Variants in WDR7 observed in about 807,000 individuals in gnomAD.
The protein encoded by WDR7 is WD repeat domain 7, also known as WD repeat-containing protein 7.
Under a neutral mutation model 169.4 loss-of-function variants are expected in WDR7, and 46 were observed. That is an observed-to-expected ratio of 0.27 (90% confidence interval 0.21 to 0.35). The LOEUF (loss-of-function observed/expected upper bound fraction) is 0.35, where lower values mean the gene tolerates loss of function less well. Among genes scored for constraint, WDR7 ranks in the 10% least tolerant of loss-of-function variants. WDR7 has a pLI of 1.00. For missense variants in WDR7, 1,534 were observed against 1,859.3 expected (o/e 0.83, Z 3.22); for synonymous variants, 612 against 666.8 (o/e 0.92, Z 1.27).
At chr18:56,825,557 GAA>G (rs1381655083) in intron 20 of WDR7, among the ~76,000 whole-genome samples, 1 of 152,104 alleles carries the variant, frequency 6.6e-6, no homozygotes, top group East Asian at 1.9e-4. Context: ...CCACAGATAG[GAA>G]ATGACAAAGT....
chr18:56,924,420 ATT>A (rs1368894565), intron 22 of WDR7, among the ~76,000 whole-genome samples: 1 of 152,184 alleles, frequency 6.6e-6, no homozygotes, highest in East Asian at 1.9e-4. Flanking sequence ...TGATATATAT[ATT>A]AAATACATGA....
At chr18:56,959,955 A>G (rs1166219044) in intron 25 of WDR7, among the ~76,000 whole-genome samples, 1 of 152,180 alleles carries the variant, frequency 6.6e-6, no homozygotes, top group African/African-American at 2.4e-5. Context: ...GCTGGTTCCC[A>G]TAGTGAATAC....
intron 2 of WDR7, among the ~76,000 whole-genome samples, chr18:56,675,401 A>C (rs1483635070): frequency 6.6e-6 from 1 of 151,886 alleles, no homozygotes; most frequent in African/African-American, 2.4e-5. Flanking sequence ...GATATTTTGT[A>C]GTTTTCAGAA....
chr18:56,907,580 A>G (rs1207896613), intron 21 of WDR7, among the ~76,000 whole-genome samples: 2 of 152,126 alleles, frequency 1.3e-5, no homozygotes, highest in African/African-American at 4.8e-5. Context: ...TTTTGTTGTA[A>G]TCTTTAGCTA....
chr18:56,679,199 A>G (rs1404724969), intron 2 of WDR7, 133 bp from the exon 3 acceptor site: 1 of 649,826 alleles, frequency 1.5e-6, no homozygotes, highest in Non-Finnish European at 2.5e-6. Context: ...AGTGCTTTGC[A>G]AGAGCCAGGG....
chr18:56,900,083 T>TG (rs1491478975), intron 21 of WDR7, among the ~76,000 whole-genome samples: 1 of 6,990 alleles, frequency 1.4e-4, no homozygotes, highest in African/African-American at 4.1e-4. Context: ...TGTGTGTGTG[T>TG]ATATATATAT....
intron 1 of WDR7, among the ~76,000 whole-genome samples, chr18:56,654,252 C>T (rs189944965): frequency 9.9e-5 from 15 of 152,216 alleles, no homozygotes; most frequent in African/African-American, 3.6e-4. Context: ...CTGCCTTAGC[C>T]TCCTGAGTAG....
chr18:56,904,169 G>C (rs4239465), intron 21 of WDR7, among the ~76,000 whole-genome samples: 1 of 151,496 alleles, frequency 6.6e-6, no homozygotes, highest in African/African-American at 2.4e-5. Context: ...TCCTGGGTTC[G>C]AGTGATTCTC....
intron 26 of WDR7, among the ~76,000 whole-genome samples, chr18:56,976,750 A>G (rs1010131494): frequency 2.0e-5 from 3 of 152,236 alleles, no homozygotes; most frequent in African/African-American, 4.8e-5. Context: ...GACCAAAATC[A>G]TATCACTTAC....
chr18:57,017,412 CTGTGTGTGTGTG>C (rs10571337), intron 26 of WDR7, among the ~76,000 whole-genome samples: 236 of 143,752 alleles, frequency 1.6e-3, no homozygotes, highest in Non-Finnish European at 1.4e-3. Flanking sequence ...CAGCATCATG[CTGTGTGTGTGTG>C]TGTGTGTGTG....
intron 26 of WDR7, among the ~76,000 whole-genome samples, chr18:56,981,376 G>A (rs968874635): frequency 1.3e-5 from 2 of 152,116 alleles, no homozygotes; most frequent in Non-Finnish European, 2.9e-5. Context: ...GAGATGCCAA[G>A]TATTTAGCTA....
In WDR7 at chr18:57,027,078, G is replaced by T; in HGVS notation, c.4344G>T (p.Gln1448His). 2 of 1,614,150 alleles carry T rather than the reference G, an allele frequency of 1.2e-6. No individual in the cohort carries two copies. The highest frequency in any genetic ancestry group is 1.7e-6 in the Non-Finnish European group (2 of 1,180,046). Reference protein sequence around the residue: ...APQLRCIKTYQVPPVQPASPG... With the variant: ...APQLRCIKTYHVPPVQPASPG... ...AGCTGCGCTGCATTAAAACCTACCA[G>T]GTGCCCCCTGTGCAGCCCGCGTCCC... Residue 1448 changes from glutamine (Q) to histidine (H), a missense_variant, in exon 28 of 28, where the codon CAG (glutamine) becomes CAT (histidine). Physicochemically the swap from Gln to His is conservative, Grantham distance 24 (BLOSUM62 0). Coordinates refer to ENST00000254442, the MANE Select transcript of WDR7 (RefSeq NM_015285.3).
intron 20 of WDR7, among the ~76,000 whole-genome samples, chr18:56,821,773 T>C (rs1236823663): frequency 1.3e-5 from 2 of 151,562 alleles, no homozygotes; most frequent in Non-Finnish European, 2.9e-5. Context: ...GGCAGGAGGA[T>C]TGCTTGAGGC....
intron 1 of WDR7, among the ~76,000 whole-genome samples, chr18:56,661,047 C>T (rs2024894153): frequency 6.6e-6 from 1 of 152,154 alleles, no homozygotes; most frequent in African/African-American, 2.4e-5. Context: ...TTTAGTGATT[C>T]CAAGACTAAT....
intron 20 of WDR7, among the ~76,000 whole-genome samples, chr18:56,826,468 G>C (rs914908915): frequency 6.6e-6 from 1 of 152,072 alleles, no homozygotes; most frequent in Non-Finnish European, 1.5e-5. Context: ...TATCATCTGT[G>C]ACTTTCCCCA....
At chr18:56,677,960 C>G (rs76778938) in intron 2 of WDR7, among the ~76,000 whole-genome samples, 3 of 151,974 alleles carry the variant, frequency 2.0e-5, no homozygotes, top group African/African-American at 4.8e-5. Context: ...ATTCTCTTTT[C>G]TTTTGTTTCC....
intron 26 of WDR7, among the ~76,000 whole-genome samples, chr18:56,996,398 CA>C (rs1479742514): frequency 1.3e-5 from 2 of 152,134 alleles, no homozygotes; most frequent in Non-Finnish European, 2.9e-5. Flanking sequence ...GAGACTTTTG[CA>C]TAGTTCATAC....
At chr18:56,811,861 A>G (rs1253889343) in intron 19 of WDR7, among the ~76,000 whole-genome samples, 1 of 152,162 alleles carries the variant, frequency 6.6e-6, no homozygotes, top group Non-Finnish European at 1.5e-5. Flanking sequence ...CCAAAGTCAC[A>G]TGGTTTTAAT....
At chr18:56,826,061 G>A (rs2045197446) in intron 20 of WDR7, among the ~76,000 whole-genome samples, 1 of 152,194 alleles carries the variant, frequency 6.6e-6, no homozygotes, top group Non-Finnish European at 1.5e-5. Flanking sequence ...GGGGTTGGGG[G>A]AGGGCAGGTG....
Sources: gnomAD v4.1 joint callset for allele counts (sites outside exome capture counted in the v4.1 genomes callset) on GRCh38, gnomAD v4.1.1 for gene constraint, MANE v1.5 for transcripts, NCBI Gene and HGNC (gene_info 2026-07-23, HGNC 2026-07-21) for gene names.